Variants in MICAL3 observed in about 807,000 individuals in gnomAD.
MICAL3 encodes [F-actin]-monooxygenase MICAL3.
Under a neutral mutation model 207.4 loss-of-function variants are expected in MICAL3, and 62 were observed. The ratio of observed to expected loss-of-function variants is 0.30; its 90% CI spans 0.24 to 0.37. The LOEUF (loss-of-function observed/expected upper bound fraction) is 0.37. Ranked by LOEUF, MICAL3 falls within the 10% of genes least tolerant of loss-of-function variation. The pLI is 1.00. For missense variants in MICAL3, 2,368 were observed against 2,635.6 expected (o/e 0.90, Z 2.22); for synonymous variants, 1,077 against 1,069.3 (o/e 1.01, Z -0.14).
Position 17,790,557 on chromosome 22 carries a change from T to C in MICAL3, c.*175A>G. 1.6e-6 allele frequency: 1 copy of C among 620,322 alleles called. No individual in the cohort carries two copies. The highest frequency in any genetic ancestry group is 3.0e-5 in the Admixed American group (1 of 33,570). 38.4% of individuals were successfully genotyped at this position (620,322 alleles called of 1,614,324 possible). On this transcript the variant is annotated 3_prime_UTR_variant, in exon 32 of 32. Transcript: ENST00000441493. The stretch of plus-strand genomic sequence containing the variant: ...GTGGAGCCGTCTCAGATAACCACTG[T>C]CACCTGGGGCTCCCCACTGCACGCG...
chr22:17,856,776 C>T (rs113347692), intron 19 of MICAL3, among the ~76,000 whole-genome samples: 129 of 152,100 alleles, frequency 8.5e-4, no homozygotes, highest in African/African-American at 3.0e-3. Flanking sequence ...CGCCCGCCAC[C>T]GCGCCCAGCT....
chr22:17,853,549 TAAAC>T (rs1359331458), intron 19 of MICAL3, among the ~76,000 whole-genome samples: 2 of 152,260 alleles, frequency 1.3e-5, no homozygotes, highest in Non-Finnish European at 2.9e-5. Context: ...TGCTTTTAAA[TAAAC>T]AAGTTTCATA....
At chr22:17,870,398 C>T (rs531616317) in intron 17 of MICAL3, among the ~76,000 whole-genome samples, 1 of 152,316 alleles carries the variant, frequency 6.6e-6, no homozygotes, top group South Asian at 2.1e-4. Flanking sequence ...TTTCGCTGCA[C>T]ACACTCGTGT....
rs368553113 is a variant in MICAL3 at position 17,913,846 on chromosome 22, A to C, written c.-74-6960T>G. On this transcript the variant is annotated intron_variant, in intron 1 of 31. Coordinates refer to ENST00000441493, the MANE Select transcript of MICAL3 (RefSeq NM_015241.3). Reference sequence around the variant, plus strand: ...GTTCTGTCACCCCAAACACATTAAAATGTCTGAATCATAGCGAGGCACCCA... The same window carrying C: ...GTTCTGTCACCCCAAACACATTAAACTGTCTGAATCATAGCGAGGCACCCA... Among the ~76,000 whole-genome samples, 8 of 152,318 alleles carry C rather than the reference A, an allele frequency of 5.3e-5. No individual in the cohort carries two copies. In the South Asian group the frequency reaches 6.2e-4, roughly 12 times the overall value.
chr22:17,938,323 T>C (rs1218655115), intron 1 of MICAL3, among the ~76,000 whole-genome samples: 4 of 152,134 alleles, frequency 2.6e-5, no homozygotes, highest in South Asian at 2.1e-4. Context: ...AATACCTCCA[T>C]AGGGGGACCA....
chr22:17,992,784 G>C (rs1319649002), intron 1 of MICAL3, among the ~76,000 whole-genome samples: 2 of 151,986 alleles, frequency 1.3e-5, no homozygotes, highest in African/African-American at 4.8e-5. Context: ...TCTTCCTTTT[G>C]CTCCCTGAAC....
rs996781841 is a variant in MICAL3, at chr22:17,796,839, G to A, written c.5651-5538C>T. Among the ~76,000 whole-genome samples, 3 of 152,160 alleles carry A rather than the reference G, an allele frequency of 2.0e-5. No homozygotes were observed. The highest frequency in any genetic ancestry group is 4.4e-5 in the Non-Finnish European group (3 of 68,036). Reference sequence around the variant, plus strand: ...CCCCTACACTACCACCTGGCCCTTGGCGCACCCGAGCACCTCACTCCAGGC... The same window carrying A: ...CCCCTACACTACCACCTGGCCCTTGACGCACCCGAGCACCTCACTCCAGGC... On this transcript the variant is annotated intron_variant, in intron 29 of 31. Transcript: ENST00000441493. This position sits in a 1 kb window ranked among gnomAD's most constrained non-coding sequence, Gnocchi z 4.4.
At chr22:18,000,852 G>A (rs1291133191) in intron 1 of MICAL3, among the ~76,000 whole-genome samples, 1 of 152,208 alleles carries the variant, frequency 6.6e-6, no homozygotes, top group East Asian at 1.9e-4. Flanking sequence ...TCCAGGCCGG[G>A]GCAGCGGGAC....
intron 1 of MICAL3, chr22:18,005,754 A>G (rs528521963): frequency 1.9e-4 from 29 of 152,326 alleles, no homozygotes; most frequent in African/African-American, 7.0e-4. Context: ...CCCCATGTCA[A>G]TGAAGAAGGG....
rs1187861037 is a variant in MICAL3, at chr22:17,872,410, G to C, written c.2242-387C>G. Among the ~76,000 whole-genome samples the C allele has an allele frequency of 3.3e-5, 5 of 152,168 alleles. No homozygotes were observed. The East Asian group carries it at 9.6e-4, about 29-fold the overall frequency. ...TGGAGGGAGAGGGGCGAGAAGGGAT[G>C]GGAGGGGCATGATGGAAAACACACA... On this transcript the variant is annotated intron_variant, in intron 16 of 31. Transcript: ENST00000441493.
intron 21 of MICAL3, among the ~76,000 whole-genome samples, chr22:17,828,268 C>T (rs924229764): frequency 2.0e-5 from 3 of 152,236 alleles, no homozygotes; most frequent in Non-Finnish European, 2.9e-5. Flanking sequence ...CACCACTCGC[C>T]CAGCTGATGG....
chr22:17,810,613 G>T, intron 28 of MICAL3, 90 bp downstream of exon 28: 1 of 1,057,680 alleles, frequency 9.5e-7, no homozygotes, highest in Non-Finnish European at 1.4e-6. Context: ...TCTGCACTGT[G>T]CTTGTGTGGC....
At chr22:17,838,899 T>G (rs1345296807) in intron 20 of MICAL3, among the ~76,000 whole-genome samples, 2 of 150,846 alleles carry the variant, frequency 1.3e-5, no homozygotes, top group Non-Finnish European at 3.0e-5. Context: ...TCCCGTCCTG[T>G]GTCCTACGGC....
intron 1 of MICAL3, among the ~76,000 whole-genome samples, chr22:17,960,135 C>T (rs1025103763): frequency 1.3e-5 from 2 of 152,326 alleles, no homozygotes; most frequent in South Asian, 2.1e-4. Context: ...AGGCTGAGCG[C>T]GGCTGTGGCT....
intron 1 of MICAL3, among the ~76,000 whole-genome samples, chr22:17,989,577 G>A (rs917831285): frequency 2.0e-5 from 3 of 151,966 alleles, no homozygotes; most frequent in Non-Finnish European, 4.4e-5. Context: ...CTGAGCCTGC[G>A]CTCACCCCAG....
intron 1 of MICAL3, among the ~76,000 whole-genome samples, chr22:17,942,573 C>T (rs556470862): frequency 1.1e-4 from 16 of 152,318 alleles, no homozygotes; most frequent in South Asian, 6.2e-4. Flanking sequence ...GAGACCTCAC[C>T]GAGTCTGAAG....
intron 17 of MICAL3, among the ~76,000 whole-genome samples, chr22:17,866,613 C>CAGAATGGAATAGAAT (rs1556037532): frequency 1.5e-5 from 2 of 136,268 alleles, no homozygotes; most frequent in African/African-American, 5.7e-5. Flanking sequence ...TAGAACAGAA[C>CAGAATGGAATAGAAT]AGAATAGAAT....
At chr22:17,866,991 A>G (rs930467890) in intron 17 of MICAL3, among the ~76,000 whole-genome samples, 1 of 152,228 alleles carries the variant, frequency 6.6e-6, no homozygotes, top group African/African-American at 2.4e-5. Flanking sequence ...ATTTGTAGAG[A>G]GTGCTTCTTA....
Position 17,827,629 on chromosome 22 carries a change from G to A in MICAL3, c.3193+15C>T. The A allele has an allele frequency of 6.4e-7, 1 of 1,553,164 alleles. No individual in the cohort carries two copies. Among genetic ancestry groups the A allele is most frequent in the Non-Finnish European group, 8.7e-7 (1 of 1,148,720 alleles). On this transcript the variant is annotated intron_variant, in intron 22 of 31. Coordinates refer to ENST00000441493, the MANE Select transcript of MICAL3 (RefSeq NM_015241.3). Reference sequence around the variant, plus strand: ...TGCTCGGGGCACACTGCGGCCTGGGGCTGGGAGTGTTTACCTCCGGAAGCA... The same window carrying A: ...TGCTCGGGGCACACTGCGGCCTGGGACTGGGAGTGTTTACCTCCGGAAGCA...
Sources: gnomAD v4.1 joint callset for allele counts (sites outside exome capture counted in the v4.1 genomes callset) on GRCh38, gnomAD v4.1.1 for gene constraint, Gnocchi (gnomAD v3.1) non-coding constraint, MANE v1.5 for transcripts, NCBI Gene and HGNC (gene_info 2026-07-23, HGNC 2026-07-21) for gene names.